Variants in B4GALT5 observed in about 807,000 individuals in gnomAD.
B4GALT5 encodes beta-1,4-galactosyltransferase 5, also known as UDP-Gal:beta-GlcNAc beta-1,4-galactosyltransferase 5.
A neutral mutation model predicts 45.0 loss-of-function variants in B4GALT5; 11 were observed. The observed-to-expected ratio is 0.24, with a 90% CI of 0.15 to 0.40. The LOEUF is 0.40. Among genes scored for constraint, B4GALT5 ranks in the 10% least tolerant of loss-of-function variants. B4GALT5 has a pLI of 1.00. For synonymous variants in B4GALT5, 185 were observed against 182.9 expected, an observed-to-expected ratio of 1.01 and a Z score of -0.09; for missense variants, 337 against 500.2, an observed-to-expected ratio of 0.67 and a Z score of 3.11.
chr20:49,694,087 C>A lies in B4GALT5; in HGVS notation c.115+19489G>T, dbSNP rs887488394. ...GCTAGCAGAAGTCTAAGCCACTCTT[C>A]CTTGAAAAGCAGACAGCTTATGTAA... is the stretch of plus-strand genomic sequence containing the variant. On this transcript the variant is annotated intron_variant, in intron 1 of 8. Transcript: ENST00000371711. Among the ~76,000 whole-genome samples, 9 of 152,296 alleles carry A rather than the reference C, an allele frequency of 5.9e-5. No individual in the cohort carries two copies. The East Asian group carries it at 7.7e-4, about 13-fold the overall frequency.
chr20:49,658,992 T>C (rs923004615), intron 1 of B4GALT5, among the ~76,000 whole-genome samples: 1 of 152,210 alleles, frequency 6.6e-6, no homozygotes, highest in African/African-American at 2.4e-5. Context: ...TAGGCTTCAG[T>C]TTCTCCAAGT....
Position 49,634,648 on chromosome 20 carries a change from G to C in B4GALT5, c.*1664C>G, listed in dbSNP as rs1042939478. The C allele has an allele frequency of 6.6e-6, 1 of 152,230 alleles. No homozygotes were observed. The highest frequency in any genetic ancestry group is 2.4e-5 in the African/African-American group (1 of 41,426). 9.4% of individuals were successfully genotyped at this position (152,230 alleles called of 1,614,324 possible). ...GGAAGTCAAGGTGGGCGGATTGCTT[G>C]AGTCCAGGAGTTCGAGACCAGCCTG... is the stretch of plus-strand genomic sequence containing the variant. On this transcript the variant is annotated 3_prime_UTR_variant, in exon 9 of 9. Coordinates refer to ENST00000371711, the MANE Select transcript of B4GALT5 (RefSeq NM_004776.4).
chr20:49,656,778 A>AT (rs536139427), intron 1 of B4GALT5, 76 bp from the exon 2 acceptor site: 494 of 1,514,082 alleles, frequency 3.3e-4, no homozygotes, highest in East Asian at 4.7e-4. Context: ...ATAGCTATGG[A>AT]TTTTTTTTTC....
At chr20:49,662,651 C>T (rs1336584984) in intron 1 of B4GALT5, among the ~76,000 whole-genome samples, 1 of 152,186 alleles carries the variant, frequency 6.6e-6, no homozygotes, top group Non-Finnish European at 1.5e-5. Context: ...ACTGCACTAA[C>T]CTGTTCCTAA....
At position 49,635,450 on chromosome 20, in the gene B4GALT5, G is replaced by GC. The variant is rs1350455551; in HGVS notation, c.*861_*862insG. The GC allele has an allele frequency of 6.6e-6, 1 of 151,956 alleles. No homozygotes were observed. The highest frequency in any genetic ancestry group is 2.4e-5 in the African/African-American group (1 of 41,368). The allele number at this position is 151,956 out of a possible 1,614,324, so 9.4% of individuals were successfully genotyped here. On this transcript the variant is annotated 3_prime_UTR_variant, in exon 9 of 9. Coordinates refer to ENST00000371711, the MANE Select transcript of B4GALT5 (RefSeq NM_004776.4). ...GTCAAGGGCAAGACTCGTGGGGGGG[G>GC]GAAGAAAGGGACAGAAGCCAGCTCC...
intron 1 of B4GALT5, among the ~76,000 whole-genome samples, chr20:49,695,583 G>C (rs1306751612): frequency 6.6e-6 from 1 of 152,050 alleles, no homozygotes; most frequent in Admixed American, 6.6e-5. Flanking sequence ...GGCTAATTTT[G>C]TATTTTTAGT....
At chr20:49,681,533 T>C (rs1190059959) in intron 1 of B4GALT5, among the ~76,000 whole-genome samples, 1 of 152,146 alleles carries the variant, frequency 6.6e-6, no homozygotes, top group Non-Finnish European at 1.5e-5. Context: ...AATCCTTATA[T>C]TGAGCCCTGA....
chr20:49,705,505 C>T (rs1264056768), intron 1 of B4GALT5, among the ~76,000 whole-genome samples: 2 of 152,258 alleles, frequency 1.3e-5, no homozygotes, highest in East Asian at 3.9e-4. Flanking sequence ...AATGGCACTG[C>T]ACAGTGGGGA....
At chr20:49,677,909 C>T (rs1175201574) in intron 1 of B4GALT5, among the ~76,000 whole-genome samples, 1 of 152,156 alleles carries the variant, frequency 6.6e-6, no homozygotes, top group African/African-American at 2.4e-5. Context: ...CCATGCCCAG[C>T]TAATTTTTGT....
At position 49,663,326 on chromosome 20, in the gene B4GALT5, A is replaced by G. The variant is rs530144673; in HGVS notation, c.116-6624T>C. Among the ~76,000 whole-genome samples the G allele has an allele frequency of 2.9e-4, 44 of 152,272 alleles. 1 individual carries two copies. In the South Asian group the frequency reaches 7.5e-3, roughly 26 times the overall value. On this transcript the variant is annotated intron_variant, in intron 1 of 8. Coordinates refer to ENST00000371711, the MANE Select transcript of B4GALT5 (RefSeq NM_004776.4). ...GCTTACATGTACACATTTTAATGTT[A>G]TATGTCAACAAAATTTACCTTCCCC... is the stretch of plus-strand genomic sequence containing the variant.
intron 1 of B4GALT5, among the ~76,000 whole-genome samples, chr20:49,689,196 G>T (rs927005012): frequency 6.6e-6 from 1 of 152,010 alleles, no homozygotes; most frequent in Non-Finnish European, 1.5e-5. Context: ...CAATTATACA[G>T]GATTTATGTT....
chr20:49,699,249 C>G (rs1425812734), intron 1 of B4GALT5, among the ~76,000 whole-genome samples: 1 of 149,236 alleles, frequency 6.7e-6, no homozygotes, highest in Admixed American at 6.9e-5. Context: ...CAGTGCAAGA[C>G]AAACCATTAA....
rs1555814916 is a variant in B4GALT5, at chr20:49,703,730, A to AAAAAAAAAATAAT, written c.115+9845_115+9846insATTATTTTTTTTT. Among the ~76,000 whole-genome samples, 36 of 144,634 alleles carry AAAAAAAAAATAAT rather than the reference A, an allele frequency of 2.5e-4. 1 individual carries two copies. The highest frequency in any genetic ancestry group is 1.1e-3 in the South Asian group (5 of 4,682). The allele number at this position is 144,634 out of a possible 152,430, so 94.9% of individuals were successfully genotyped here. ...ACGGCAAAGCCGCATTTCTACTAAA[A>AAAAAAAAAATAAT]AAAAAAAAAATAGCCAGGGGTCATG... On this transcript the variant is annotated intron_variant, in intron 1 of 8. Coordinates refer to ENST00000371711, the MANE Select transcript of B4GALT5 (RefSeq NM_004776.4).
chr20:49,681,638 T>C (rs1291621550), intron 1 of B4GALT5, among the ~76,000 whole-genome samples: 4 of 152,214 alleles, frequency 2.6e-5, no homozygotes, highest in African/African-American at 9.6e-5. Flanking sequence ...CAAAACCAGA[T>C]CACTGTCCTT....
chr20:49,684,255 ATTTAC>A (rs945600219), intron 1 of B4GALT5, among the ~76,000 whole-genome samples: 3 of 151,500 alleles, frequency 2.0e-5, no homozygotes, highest in African/African-American at 2.4e-5. Flanking sequence ...TTCATTCAGA[ATTTAC>A]TTTAATTTAA....
intron 1 of B4GALT5, among the ~76,000 whole-genome samples, chr20:49,663,700 T>A (rs1212490483): frequency 0.76 from 61,216 of 80,680 alleles, 23,892 homozygotes; most frequent in South Asian, 0.83. Flanking sequence ...AATATATACA[T>A]ATATATATAT....
intron 1 of B4GALT5, among the ~76,000 whole-genome samples, chr20:49,665,299 A>G (rs909034199): frequency 1.1e-4 from 17 of 150,752 alleles, no homozygotes; most frequent in African/African-American, 4.1e-4. Flanking sequence ...CGTACTCCCA[A>G]GCTACTTGGG....
rs746600599 is a variant in B4GALT5, at chr20:49,637,397, T to G, written c.963A>C (p.Thr321=). The G allele has an allele frequency of 4.8e-5, 77 of 1,614,056 alleles. No homozygotes were observed. The highest frequency in any genetic ancestry group is 6.1e-5 in the Non-Finnish European group (72 of 1,180,042). The stretch of plus-strand genomic sequence containing the variant: ...GATGAGGAATGGACTTGTACTTTCC[T>G]GTGTCACCCTCTGGCCGGCTCACAG... ...GYSVSRPEGD[T]GKYKSIPHHH... is the part of the protein sequence containing the mutation. Residue 321 remains threonine (T), a synonymous_variant, in exon 8 of 9, where the codon ACA becomes ACC. Transcript: ENST00000371711.
At chr20:49,704,255 A>G (rs562306552) in intron 1 of B4GALT5, among the ~76,000 whole-genome samples, 2 of 152,332 alleles carry the variant, frequency 1.3e-5, no homozygotes, top group South Asian at 4.1e-4. Context: ...TGTTCAACAC[A>G]GTAGAATTAA....
Sources: gnomAD v4.1 joint callset for allele counts (sites outside exome capture counted in the v4.1 genomes callset) on GRCh38, gnomAD v4.1.1 for gene constraint, MANE v1.5 for transcripts, NCBI Gene and HGNC (gene_info 2026-07-23, HGNC 2026-07-21) for gene names.